C1orf54: variants seen among roughly 807,000 people sequenced by gnomAD.
The protein encoded by C1orf54 is chromosome 1 open reading frame 54.
C1orf54 carries 12 observed loss-of-function variants against 14.7 expected under a neutral mutation model. That is an observed-to-expected ratio of 0.82 (90% CI 0.52 to 1.32). The LOEUF (loss-of-function observed/expected upper bound fraction) is 1.32, where lower values mean the gene tolerates loss of function less well. Ranked by LOEUF, C1orf54 falls within the 40% of genes most tolerant of loss-of-function variation. The pLI, the probability that C1orf54 is intolerant of heterozygous loss-of-function variation, is 0.00. For missense variants in C1orf54, 163 were observed against 162.2 expected, an observed-to-expected ratio of 1.00 and a Z score of -0.03; for synonymous variants, 65 against 56.3, an observed-to-expected ratio of 1.16 and a Z score of -0.70.
In C1orf54 at chr1:150,279,276, CAAAT is replaced by C. The variant is rs1402966849; in HGVS notation, c.301-359_301-356del. On this transcript the variant is annotated intron_variant, in intron 4 of 5. Coordinates refer to ENST00000369099, the MANE Select transcript of C1orf54 (RefSeq NM_024579.4). ...ATAAAAATAATAATAAATAAACAAA[CAAAT>C]AAATAAAATATAGAGTAGACTCTCT... 9.2e-5 allele frequency among the ~76,000 whole-genome samples: 14 copies of C among 152,088 alleles called. No homozygotes were observed. In the South Asian group the frequency reaches 1.9e-3, roughly 20 times the overall value.
chr1:150,275,089 A>T (rs1424412246), intron 2 of C1orf54, among the ~76,000 whole-genome samples: 1 of 151,236 alleles, frequency 6.6e-6, no homozygotes, highest in Non-Finnish European at 1.5e-5. Flanking sequence ...CCCAGGCTAG[A>T]GTGCAGTGGC....
At chr1:150,276,065 G>A (rs1652622049) in intron 3 of C1orf54, among the ~76,000 whole-genome samples, 1 of 152,070 alleles carries the variant, frequency 6.6e-6, no homozygotes, top group African/African-American at 2.4e-5. Flanking sequence ...CTTGAATCCG[G>A]GAGATGGAGG....
At position 150,274,085 on chromosome 1, in the gene C1orf54, A is replaced by G. The variant is rs1553851877; in HGVS notation, c.47-2A>G. Reference sequence around the variant, plus strand: ...CTTGACCTCTAGTCCTTGTCCCCATAGGACAAGAATATGAGGATGAAGAAA... The same window carrying G: ...CTTGACCTCTAGTCCTTGTCCCCATGGGACAAGAATATGAGGATGAAGAAA... On this transcript the variant is annotated splice_acceptor_variant, in intron 1 of 5. Coordinates refer to ENST00000369099, the MANE Select transcript of C1orf54 (RefSeq NM_024579.4). LOFTEE classifies it high-confidence loss of function. 6.2e-7 allele frequency: 1 copy of G among 1,603,578 alleles called. No individual in the cohort carries two copies. Among genetic ancestry groups the G allele is most frequent in the Admixed American group, 1.7e-5 (1 of 59,972 alleles).
upstream of C1orf54, chr1:150,272,666 T>A: frequency 1.4e-6 from 1 of 724,038 alleles, no homozygotes; most frequent in Non-Finnish European, 2.4e-6. Flanking sequence ...ATCTAGTCAG[T>A]CAGCCAGTAG....
At chr1:150,269,943 G>T (rs1326171290), upstream of C1orf54, among the ~76,000 whole-genome samples, 1 of 152,090 alleles carries the variant, frequency 6.6e-6, no homozygotes, top group African/African-American at 2.4e-5. Context: ...AGGCTGAGGG[G>T]CAAATATAGC....
At chr1:150,272,571 G>A, upstream of C1orf54, 1 of 528,444 alleles carries the variant, frequency 1.9e-6, no homozygotes, top group East Asian at 3.3e-5. Flanking sequence ...TAGGGCAGGG[G>A]GAGCTTAAGA....
At chr1:150,274,901 A>C (rs1205582219) in intron 2 of C1orf54, among the ~76,000 whole-genome samples, 4 of 86,902 alleles carry the variant, frequency 4.6e-5, no homozygotes, top group Non-Finnish European at 8.8e-5. Context: ...CGACAGAATG[A>C]GACTACGTCA....
At chr1:150,272,736 G>A (rs782818972), upstream of C1orf54, 265 of 1,412,734 alleles carry the variant, frequency 1.9e-4, no homozygotes, top group Non-Finnish European at 2.6e-4. Context: ...CTGCTTTGGA[G>A]GAGGAGGGGA....
In C1orf54 at chr1:150,276,624, A is replaced by G. The variant is rs782106866; in HGVS notation, c.292A>G (p.Thr98Ala). The G allele has an allele frequency of 6.2e-7, 1 of 1,612,844 alleles. No individual in the cohort carries two copies. Among genetic ancestry groups the G allele is most frequent in the South Asian group, 1.1e-5 (1 of 91,050 alleles). The change falls in exon 4 of 6, where the codon ACG becomes GCG. Residue 98 changes from threonine to alanine, a missense_variant. Transcript: ENST00000369099. Reference sequence around the variant, plus strand: ...GCCTGTAACTGTGAAACCAGTAACAACGGAACCTGTGAGTTGATTGGGGAT... The same window carrying G: ...GCCTGTAACTGTGAAACCAGTAACAGCGGAACCTGTGAGTTGATTGGGGAT... ...PKPVTVKPVT[T>A]EPSPDLNDAV...
chr1:150,274,125 GA>G lies in C1orf54; in HGVS notation c.87del (p.Glu29AspfsTer35). The G allele has an allele frequency of 3.1e-6, 5 of 1,612,786 alleles. No homozygotes were observed. Among genetic ancestry groups the G allele is most frequent in the Non-Finnish European group, 4.2e-6 (5 of 1,178,832 alleles). Reference protein sequence around the residue: ...YEDEERLGEDEYYQVVYYYTV... With the variant: ...YEDEERLGEDXYYQVVYYYTV... ...GGATGAAGAAAGACTGGGAGAGGAT[GA>G]ATATTATCAGGTGGTCTATTATTAT... On this transcript the variant is annotated frameshift_variant, in exon 2 of 6. Coordinates refer to ENST00000369099, the MANE Select transcript of C1orf54 (RefSeq NM_024579.4). LOFTEE classifies it high-confidence loss of function.
At position 150,280,899 on chromosome 1, in the gene C1orf54, AAAT is replaced by A. The variant is rs368303319; in HGVS notation, c.*74_*76del. ...GCAAGAGGAAATTGGAAGATAAAAT[AAAT>A]AATAAGTGAAATAATCTGGTTACCA... On this transcript the variant is annotated 3_prime_UTR_variant, in exon 6 of 6. Transcript: ENST00000369099. The A allele has an allele frequency of 9.2e-5, 142 of 1,548,930 alleles. No homozygotes were observed. In the African/African-American group the frequency reaches 1.7e-3, roughly 18 times the overall value.
chr1:150,273,568 G>T (rs1389934762), intron 1 of C1orf54, among the ~76,000 whole-genome samples: 1 of 152,174 alleles, frequency 6.6e-6, no homozygotes, highest in Admixed American at 6.5e-5. Flanking sequence ...TAGTCCAGCT[G>T]ACTCATTTTA....
At chr1:150,274,014 G>A in intron 1 of C1orf54, 73 bp from the exon 2 acceptor site, 1 of 972,726 alleles carries the variant, frequency 1.0e-6, no homozygotes, top group Non-Finnish European at 1.6e-6. Context: ...GGAGCGCTGA[G>A]GTCATCTCCA....
At chr1:150,280,287 T>TA in intron 5 of C1orf54, among the ~76,000 whole-genome samples, 1 of 152,368 alleles carries the variant, frequency 6.6e-6, no homozygotes, top group Admixed American at 6.5e-5. Flanking sequence ...TATTCAGTCT[T>TA]AAAGAAGTTT....
At chr1:150,275,611 T>TA in intron 2 of C1orf54, 130 bp from the exon 3 acceptor site, 1 of 648,102 alleles carries the variant, frequency 1.5e-6, no homozygotes, top group Non-Finnish European at 2.6e-6. Context: ...ATTAGTTAAA[T>TA]AAAATTGGAT....
upstream of C1orf54, chr1:150,272,156 G>T: frequency 6.6e-6 from 1 of 152,166 alleles, no homozygotes; most frequent in Non-Finnish European, 1.5e-5. Flanking sequence ...AAAACAAAGA[G>T]GTGAGGTGAG....
At chr1:150,274,323 G>A (rs1296780450) in intron 2 of C1orf54, among the ~76,000 whole-genome samples, 153 bp downstream of exon 2, 5 of 152,120 alleles carry the variant, frequency 3.3e-5, no homozygotes, top group Non-Finnish European at 5.9e-5. Flanking sequence ...TGATGGGGCC[G>A]GGCGTGGTGG....
chr1:150,273,961 G>T (rs1472634202), intron 1 of C1orf54, 126 bp from the exon 2 acceptor site: 7 of 422,800 alleles, frequency 1.7e-5, no homozygotes, highest in African/African-American at 1.4e-4. Context: ...ACTATTGGAG[G>T]AGAGAGAGAG....
At chr1:150,272,024 C>A (rs782547233), upstream of C1orf54, among the ~76,000 whole-genome samples, 2 of 152,088 alleles carry the variant, frequency 1.3e-5, no homozygotes, top group Non-Finnish European at 2.9e-5. Flanking sequence ...CCTGTAGTCC[C>A]AGCTACCAGG....
Sources: allele counts gnomAD v4.1 joint callset (sites outside exome capture counted in the v4.1 genomes callset), GRCh38; gene constraint gnomAD v4.1.1; transcripts MANE v1.5; gene names NCBI Gene and HGNC (gene_info 2026-07-23, HGNC 2026-07-21).